The following VPS41 variants were observed in gnomAD, a reference collection of about 807,000 sequenced individuals.
VPS41 encodes the protein VPS41 subunit of HOPS complex.
In VPS41, 85 loss-of-function variants were observed where a neutral mutation model predicts 130.9. The ratio of observed to expected loss-of-function variants is 0.65; its 90% CI spans 0.55 to 0.78. The LOEUF is 0.78. Among genes scored for constraint, VPS41 ranks in the 30% least tolerant of loss-of-function variants. VPS41 has a pLI of 0.00. For synonymous variants in VPS41, 335 were observed against 332.9 expected, an observed-to-expected ratio of 1.01 and a Z score of -0.07; for missense variants, 874 against 1,018.7, an observed-to-expected ratio of 0.86 and a Z score of 1.93.
At chr7:38,765,810 G>A (rs1584383873) in intron 15 of VPS41, 149 bp from the exon 16 acceptor site, 1 of 543,648 alleles carries the variant, frequency 1.8e-6, no homozygotes, top group East Asian at 3.1e-5. Context: ...AAGTACCAAC[G>A]AACATAAAGA....
chr7:38,729,800 T>G (rs1795621198), intron 25 of VPS41, among the ~76,000 whole-genome samples: 1 of 152,314 alleles, frequency 6.6e-6, no homozygotes, highest in African/African-American at 2.4e-5. Flanking sequence ...ACACTTTACC[T>G]TTCATGTCCA....
chr7:38,836,298 A>G (rs964473841), intron 4 of VPS41, among the ~76,000 whole-genome samples: 4 of 152,038 alleles, frequency 2.6e-5, no homozygotes, highest in African/African-American at 4.8e-5. Flanking sequence ...ATGCCTCCCC[A>G]AAATCAATGC....
chr7:38,772,903 G>A (rs755294444), intron 12 of VPS41, among the ~76,000 whole-genome samples: 1 of 150,770 alleles, frequency 6.6e-6, no homozygotes, highest in Admixed American at 6.6e-5. Context: ...AGAAAGGGAG[G>A]GAATGACATA....
Position 38,732,980 on chromosome 7 carries a change from A to C in VPS41, c.2260-4189T>G, listed in dbSNP as rs569862856. The stretch of plus-strand genomic sequence containing the variant: ...GTAGCTGGGACCACAGGCATGAGCC[A>C]TCACGCCCAGCTAATTTATGTATTT... On this transcript the variant is annotated intron_variant, in intron 25 of 28. Coordinates refer to ENST00000310301, the MANE Select transcript of VPS41 (RefSeq NM_014396.4). Among the ~76,000 whole-genome samples the C allele has an allele frequency of 1.5e-3, 221 of 152,308 alleles. 1 individual carries two copies. The highest frequency in any genetic ancestry group is 5.1e-3 in the African/African-American group (211 of 41,568).
chr7:38,727,122 A>T, intron 27 of VPS41, 134 bp from the exon 28 acceptor site: 1 of 704,372 alleles, frequency 1.4e-6, no homozygotes, highest in Non-Finnish European at 2.1e-6. Flanking sequence ...CTTATTTACA[A>T]AAGCATTCCT....
chr7:38,830,427 C>G (rs1242484428), intron 4 of VPS41, 99 bp from the exon 5 acceptor site: 1 of 805,710 alleles, frequency 1.2e-6, no homozygotes, highest in African/African-American at 1.7e-5. Context: ...TCTTTGTTTT[C>G]TTCTTAAATA....
intron 5 of VPS41, among the ~76,000 whole-genome samples, chr7:38,825,856 C>CT (rs1321554433): frequency 2.0e-5 from 3 of 152,176 alleles, no homozygotes; most frequent in African/African-American, 7.2e-5. Context: ...GCATGAAACT[C>CT]TATGTATTTG....
chr7:38,770,805 A>G (rs763854883), intron 14 of VPS41, among the ~76,000 whole-genome samples: 1 of 152,246 alleles, frequency 6.6e-6, no homozygotes, highest in Non-Finnish European at 1.5e-5. Context: ...ATTAGTTTCC[A>G]TAACAAAATC....
chr7:38,900,503 A>G (rs1787118576), intron 1 of VPS41, among the ~76,000 whole-genome samples: 1 of 152,216 alleles, frequency 6.6e-6, no homozygotes, highest in Non-Finnish European at 1.5e-5. Flanking sequence ...CAATATATGT[A>G]ACAAAATTGC....
At chr7:38,792,111 T>A (rs1784546704) in intron 9 of VPS41, among the ~76,000 whole-genome samples, 1 of 152,180 alleles carries the variant, frequency 6.6e-6, no homozygotes, top group South Asian at 2.1e-4. Flanking sequence ...TGCATTGCAC[T>A]ACTGGTAGCT....
At chr7:38,884,909 C>G (rs1786689415) in intron 2 of VPS41, among the ~76,000 whole-genome samples, 1 of 152,050 alleles carries the variant, frequency 6.6e-6, no homozygotes, top group Non-Finnish European at 1.5e-5. Flanking sequence ...CCTTCTTATT[C>G]TTCTCTCTGC....
intron 7 of VPS41, among the ~76,000 whole-genome samples, chr7:38,798,407 T>C (rs970154480): frequency 2.0e-5 from 3 of 152,102 alleles, no homozygotes; most frequent in Non-Finnish European, 2.9e-5. Context: ...ATTCTCCTGC[T>C]TCAGCCTCCC....
chr7:38,797,581 C>A (rs1784645586), intron 7 of VPS41, among the ~76,000 whole-genome samples: 1 of 152,098 alleles, frequency 6.6e-6, no homozygotes, highest in African/African-American at 2.4e-5. Flanking sequence ...CATTTAAATC[C>A]TTTAAGAAAA....
chr7:38,808,402 C>T (rs1379736310), intron 7 of VPS41, among the ~76,000 whole-genome samples: 5 of 152,114 alleles, frequency 3.3e-5, no homozygotes, highest in African/African-American at 9.7e-5. Flanking sequence ...TGTTTTACTT[C>T]CTGCTAATCA....
intron 17 of VPS41, among the ~76,000 whole-genome samples, chr7:38,761,957 A>G (rs1783930016): frequency 6.6e-6 from 1 of 152,216 alleles, no homozygotes; most frequent in Admixed American, 6.5e-5. Flanking sequence ...AGCTCACAGT[A>G]GCCCCTAGAC....
intron 15 of VPS41, among the ~76,000 whole-genome samples, chr7:38,767,064 A>C (rs975151333): frequency 1.3e-5 from 2 of 152,132 alleles, no homozygotes; most frequent in African/African-American, 2.4e-5. Flanking sequence ...CCTCTGTTGC[A>C]TTGTGGGAAT....
chr7:38,808,878 G>A (rs756537163), intron 7 of VPS41, among the ~76,000 whole-genome samples: 7 of 152,232 alleles, frequency 4.6e-5, no homozygotes, highest in East Asian at 1.9e-4. Flanking sequence ...AAGGCTCACC[G>A]GATTATCTAG....
chr7:38,831,530 C>A (rs551010259), intron 4 of VPS41, among the ~76,000 whole-genome samples: 1 of 152,308 alleles, frequency 6.6e-6, no homozygotes, highest in Admixed American at 6.5e-5. Flanking sequence ...AGACATCAAG[C>A]CTTCTTTACA....
intron 4 of VPS41, among the ~76,000 whole-genome samples, chr7:38,850,672 CAT>C (rs1195027200): frequency 6.6e-6 from 1 of 152,170 alleles, no homozygotes; most frequent in Non-Finnish European, 1.5e-5. Flanking sequence ...TGAGCCATCA[CAT>C]GAGCCACCCC....
Sources: allele counts gnomAD v4.1 joint callset (sites outside exome capture counted in the v4.1 genomes callset), GRCh38; gene constraint gnomAD v4.1.1; transcripts MANE v1.5; gene names NCBI Gene and HGNC (gene_info 2026-07-23, HGNC 2026-07-21).